The following TASP1 variants were observed in gnomAD, a reference collection of about 807,000 sequenced individuals.
TASP1 encodes threonine aspartase 1.
A neutral mutation model predicts 56.6 loss-of-function variants in TASP1; 16 were observed. That is an observed-to-expected ratio of 0.28 (90% CI 0.19 to 0.43). TASP1 has a LOEUF of 0.43. TASP1 is among the 20% of genes least tolerant of loss of function. TASP1 has a pLI of 1.00. For synonymous variants in TASP1, 179 were observed against 184.2 expected (o/e 0.97, Z 0.23); for missense variants, 393 against 511.6 (o/e 0.77, Z 2.24).
At chr20:13,431,552 G>C (rs2042806876) in intron 12 of TASP1, among the ~76,000 whole-genome samples, 1 of 152,128 alleles carries the variant, frequency 6.6e-6, no homozygotes, top group Non-Finnish European at 1.5e-5. Flanking sequence ...ATATAAGAAG[G>C]CAAATGTTAA....
At chr20:13,164,766 C>T in the TASP1 span, 2 of 1,613,392 alleles carry the variant, frequency 1.2e-6, no homozygotes, top group East Asian at 2.2e-5. Context: ...TTTAGAAGCT[C>T]TTGATGAAAT....
At chr20:13,486,345 A>G (rs1600964737) in intron 10 of TASP1, among the ~76,000 whole-genome samples, 1 of 152,182 alleles carries the variant, frequency 6.6e-6, no homozygotes. Context: ...AGACCTGACA[A>G]GATTCCTAGA....
At chr20:13,471,719 A>C (rs1386091093) in intron 11 of TASP1, among the ~76,000 whole-genome samples, 1 of 152,154 alleles carries the variant, frequency 6.6e-6, no homozygotes, top group Non-Finnish European at 1.5e-5. Context: ...AGATGGCCAA[A>C]CAGGAACAGC....
chr20:13,591,164 T>C (rs1273620370), intron 4 of TASP1, among the ~76,000 whole-genome samples: 2 of 151,884 alleles, frequency 1.3e-5, no homozygotes, highest in South Asian at 4.2e-4. Flanking sequence ...CAAATAAAAG[T>C]AGACAAATGG....
At chr20:13,475,912 A>C (rs988893834) in intron 11 of TASP1, among the ~76,000 whole-genome samples, 1 of 149,358 alleles carries the variant, frequency 6.7e-6, no homozygotes, top group Admixed American at 6.7e-5. Flanking sequence ...AAAACAAAAC[A>C]AAAAAAACTA....
At chr20:13,176,605 T>TA in the TASP1 span, among the ~76,000 whole-genome samples, 1 of 152,152 alleles carries the variant, frequency 6.6e-6, no homozygotes, top group South Asian at 2.1e-4. Flanking sequence ...TTGGATTCAG[T>TA]TAGCTAGTAT....
chr20:13,540,548 T>C (rs181577642), intron 8 of TASP1, among the ~76,000 whole-genome samples: 4 of 152,292 alleles, frequency 2.6e-5, no homozygotes, highest in African/African-American at 9.6e-5. Context: ...TACTGGAAGA[T>C]TGCTGAGCAA....
rs1444244828 is a variant in TASP1 at position 13,407,384 on chromosome 20, C to A, written c.1170+10064G>T. ...TAGAATAATGTTTTCAAGGTTCATC[C>A]AAGCTACAGTATATATCTGCACTTC... On this transcript the variant is annotated intron_variant, in intron 13 of 13. Transcript: ENST00000337743. Among the ~76,000 whole-genome samples the A allele has an allele frequency of 2.6e-5, 4 of 152,286 alleles. No homozygotes were observed. The East Asian group carries it at 7.7e-4, about 29-fold the overall frequency.
At chr20:13,133,778 G>T in the TASP1 span, among the ~76,000 whole-genome samples, 3 of 152,154 alleles carry the variant, frequency 2.0e-5, no homozygotes, top group Non-Finnish European at 2.9e-5. Flanking sequence ...TACGTACAGG[G>T]ATGGTCCAGT....
At chr20:13,149,264 G>A in the TASP1 span, among the ~76,000 whole-genome samples, 1 of 152,200 alleles carries the variant, frequency 6.6e-6, no homozygotes. Flanking sequence ...TCTTGAAGGG[G>A]ATGTGGCCGC....
At chr20:13,421,041 G>C (rs1600735949) in intron 12 of TASP1, among the ~76,000 whole-genome samples, 1 of 150,324 alleles carries the variant, frequency 6.7e-6, no homozygotes, top group South Asian at 2.1e-4. Context: ...ACGAAACCCA[G>C]AGACCACAAA....
At chr20:13,135,959 A>G in the TASP1 span, among the ~76,000 whole-genome samples, 2 of 152,368 alleles carry the variant, frequency 1.3e-5, no homozygotes. Context: ...GTGACCAGTA[A>G]TGTCGGAAAG....
intron 11 of TASP1, among the ~76,000 whole-genome samples, chr20:13,443,452 A>G (rs562845791): frequency 6.6e-6 from 1 of 152,216 alleles, no homozygotes; most frequent in Non-Finnish European, 1.5e-5. Flanking sequence ...GCTGCAAAAA[A>G]CAAGTGGATT....
At chr20:13,210,709 A>G in the TASP1 span, among the ~76,000 whole-genome samples, 1 of 152,028 alleles carries the variant, frequency 6.6e-6, no homozygotes, top group East Asian at 1.9e-4. Context: ...ATAAATATGT[A>G]TAAATTCAAT....
chr20:13,306,831 G>A, the TASP1 span, among the ~76,000 whole-genome samples: 1 of 152,124 alleles, frequency 6.6e-6, no homozygotes, highest in Non-Finnish European at 1.5e-5. Flanking sequence ...AAGGGATGGG[G>A]ACTCTGGTCA....
intron 7 of TASP1, 102 bp downstream of exon 7, chr20:13,569,405 T>A (rs1461123900): frequency 2.4e-6 from 2 of 831,774 alleles, no homozygotes; most frequent in Non-Finnish European, 3.6e-6. Context: ...CATATAAGTA[T>A]TCTTCCATAA....
chr20:13,615,623 G>C (rs189280170), intron 4 of TASP1, among the ~76,000 whole-genome samples: 1 of 150,488 alleles, frequency 6.6e-6, no homozygotes, highest in African/African-American at 2.4e-5. Context: ...TCATGCCTCA[G>C]CCTCCCGAGT....
At chr20:13,121,165 G>A in the TASP1 span, among the ~76,000 whole-genome samples, 1 of 152,194 alleles carries the variant, frequency 6.6e-6, no homozygotes, top group African/African-American at 2.4e-5. Flanking sequence ...TGCATGCCTG[G>A]TGCCGAACAC....
intron 9 of TASP1, among the ~76,000 whole-genome samples, chr20:13,533,162 T>C (rs1255112721): frequency 6.6e-6 from 1 of 152,206 alleles, no homozygotes; most frequent in Non-Finnish European, 1.5e-5. Flanking sequence ...ACTGTGACAC[T>C]GACTCTTCTT....
Sources: allele counts gnomAD v4.1 joint callset (sites outside exome capture counted in the v4.1 genomes callset), GRCh38; gene constraint gnomAD v4.1.1; transcripts MANE v1.5; gene names NCBI Gene and HGNC (gene_info 2026-07-23, HGNC 2026-07-21).